DLGAP1: variants seen among roughly 807,000 people sequenced by gnomAD.
The protein encoded by DLGAP1 is DLG associated protein 1, also known as disks large-associated protein 1.
Under a neutral mutation model 90.8 loss-of-function variants are expected in DLGAP1, and 11 were observed. The observed-to-expected ratio is 0.12, with a 90% confidence interval of 0.08 to 0.20. The LOEUF (loss-of-function observed/expected upper bound fraction) is 0.20, where lower values mean the gene tolerates loss of function less well. Among genes scored for constraint, DLGAP1 ranks in the 10% least tolerant of loss-of-function variants. The pLI is 1.00. For missense variants in DLGAP1, 1,050 were observed against 1,333.8 expected (o/e 0.79, Z 3.31); for synonymous variants, 558 against 540.7 (o/e 1.03, Z -0.44).
intron 1 of DLGAP1, among the ~76,000 whole-genome samples, chr18:4,255,046 T>C (rs550810385): frequency 4.6e-5 from 7 of 152,288 alleles, no homozygotes; most frequent in African/African-American, 1.4e-4. Flanking sequence ...GAAACCAGCC[T>C]GGGCAAAGCA....
chr18:3,770,683 CAG>C (rs1377910115), intron 5 of DLGAP1, among the ~76,000 whole-genome samples: 1 of 151,816 alleles, frequency 6.6e-6, no homozygotes, highest in Non-Finnish European at 1.5e-5. Context: ...AGATTCTGAA[CAG>C]AAAGTATAAT....
intron 7 of DLGAP1, among the ~76,000 whole-genome samples, chr18:3,591,330 G>A (rs1599404193): frequency 6.6e-6 from 1 of 152,122 alleles, no homozygotes; most frequent in Non-Finnish European, 1.5e-5. Flanking sequence ...GAATGGGAAC[G>A]ATTGGACTTA....
intron 1 of DLGAP1, among the ~76,000 whole-genome samples, chr18:4,287,901 A>C (rs2079741719): frequency 6.6e-6 from 1 of 151,860 alleles, no homozygotes; most frequent in Non-Finnish European, 1.5e-5. Flanking sequence ...AAAAAGAAAA[A>C]AAAAGAGCGG....
At position 3,517,931 on chromosome 18, in the gene DLGAP1, C is replaced by T. The variant is rs1297759404; in HGVS notation, c.2480-9270G>A. Among the ~76,000 whole-genome samples, 1 of 152,076 alleles carries T rather than the reference C, an allele frequency of 6.6e-6. No individual in the cohort carries two copies. Among genetic ancestry groups the T allele is most frequent in the Non-Finnish European group, 1.5e-5 (1 of 68,008 alleles). ...CAGACCACTCAAACTTCATCCATAT[C>T]AACAAAAAGGCTGTTTCGCTTCCTT... is the stretch of plus-strand genomic sequence containing the variant. On this transcript the variant is annotated intron_variant, in intron 10 of 12. Transcript: ENST00000315677. The surrounding 1 kb of genome is among the most constrained non-coding windows in gnomAD (Gnocchi z 4.1).
intron 10 of DLGAP1, among the ~76,000 whole-genome samples, chr18:3,529,099 A>G (rs1271477747): frequency 1.3e-5 from 2 of 152,206 alleles, no homozygotes; most frequent in Admixed American, 6.5e-5. Flanking sequence ...GTTACTTGCT[A>G]TGGTCTGAAT....
At chr18:4,280,582 T>C (rs1352013774) in intron 1 of DLGAP1, 1 of 152,208 alleles carries the variant, frequency 6.6e-6, no homozygotes, top group African/African-American at 2.4e-5. Flanking sequence ...TCCCTCTTTC[T>C]CTTCCTACCA....
At chr18:4,267,688 T>G (rs1598764488) in intron 1 of DLGAP1, among the ~76,000 whole-genome samples, 1 of 152,238 alleles carries the variant, frequency 6.6e-6, no homozygotes, top group African/African-American at 2.4e-5. Flanking sequence ...AGTTGGGTGG[T>G]TCTGGCTCAG....
At chr18:3,708,004 T>A (rs2061488908) in intron 7 of DLGAP1, among the ~76,000 whole-genome samples, 1 of 139,306 alleles carries the variant, frequency 7.2e-6, no homozygotes, top group South Asian at 2.3e-4. Flanking sequence ...TCATCCTTTG[T>A]AATTCCTTTT....
chr18:4,399,607 CT>C (rs918899429), intron 1 of DLGAP1, among the ~76,000 whole-genome samples: 1 of 152,106 alleles, frequency 6.6e-6, no homozygotes, highest in Non-Finnish European at 1.5e-5. Context: ...CTCAGAAATC[CT>C]TTGTTGAGAC....
intron 1 of DLGAP1, among the ~76,000 whole-genome samples, chr18:4,321,762 T>C (rs997235605): frequency 1.3e-5 from 2 of 152,220 alleles, no homozygotes; most frequent in African/African-American, 4.8e-5. Context: ...TTTCTAGGTA[T>C]TATGTAACAA....
At chr18:4,404,116 G>T (rs936794412) in intron 1 of DLGAP1, among the ~76,000 whole-genome samples, 2 of 152,308 alleles carry the variant, frequency 1.3e-5, no homozygotes, top group African/African-American at 4.8e-5. Context: ...AAGTGCAAAA[G>T]GTGTGGTGAA....
At chr18:3,899,902 A>G (rs1157685893) in intron 3 of DLGAP1, among the ~76,000 whole-genome samples, 3 of 152,206 alleles carry the variant, frequency 2.0e-5, no homozygotes, top group Non-Finnish European at 4.4e-5. Flanking sequence ...GTCCTGTTAG[A>G]ATTAGGTAAC....
chr18:4,199,486 T>C (rs917667352), intron 1 of DLGAP1, among the ~76,000 whole-genome samples: 2 of 152,200 alleles, frequency 1.3e-5, no homozygotes, highest in Non-Finnish European at 2.9e-5. Flanking sequence ...ATTTGGTGAA[T>C]TAAGATAACT....
intron 3 of DLGAP1, among the ~76,000 whole-genome samples, chr18:3,967,782 C>T (rs1020542829): frequency 1.6e-4 from 24 of 152,174 alleles, no homozygotes; most frequent in African/African-American, 5.1e-4. Context: ...TTTAAAAATT[C>T]GAGTTTATGT....
At chr18:3,522,507 G>A (rs980605755) in intron 10 of DLGAP1, among the ~76,000 whole-genome samples, 1 of 149,782 alleles carries the variant, frequency 6.7e-6, no homozygotes, top group African/African-American at 2.5e-5. Context: ...TTTTAAAAGT[G>A]GGTCTATCCA....
At chr18:3,944,236 G>A (rs2072830833) in intron 3 of DLGAP1, among the ~76,000 whole-genome samples, 1 of 152,194 alleles carries the variant, frequency 6.6e-6, no homozygotes, top group African/African-American at 2.4e-5. Context: ...GCTGGCTCAC[G>A]CCTATAATCC....
intron 5 of DLGAP1, among the ~76,000 whole-genome samples, chr18:3,788,419 C>T (rs1000353143): frequency 1.3e-5 from 2 of 152,170 alleles, no homozygotes; most frequent in African/African-American, 2.4e-5. Context: ...TCAATTTTCA[C>T]TAACCTGCCC....
At chr18:4,048,506 G>C (rs1428407698) in intron 2 of DLGAP1, among the ~76,000 whole-genome samples, 1 of 152,190 alleles carries the variant, frequency 6.6e-6, no homozygotes. Context: ...CACTCACTCA[G>C]TGCCTACTCA....
intron 7 of DLGAP1, among the ~76,000 whole-genome samples, chr18:3,695,577 C>A (rs1284756133): frequency 6.6e-6 from 1 of 152,114 alleles, no homozygotes; most frequent in Non-Finnish European, 1.5e-5. Flanking sequence ...TGTTTTGGTA[C>A]CCATACCATG....
Sources: gnomAD v4.1 joint callset for allele counts (sites outside exome capture counted in the v4.1 genomes callset) on GRCh38, gnomAD v4.1.1 for gene constraint, Gnocchi (gnomAD v3.1) non-coding constraint, MANE v1.5 for transcripts, NCBI Gene and HGNC (gene_info 2026-07-23, HGNC 2026-07-21) for gene names.